BAIAP2L1: variants seen among roughly 807,000 people sequenced by gnomAD.
BAIAP2L1 encodes BAR/IMD domain containing adaptor protein 2 like 1, also known as BAR/IMD domain-containing adapter protein 2-like 1.
Under a neutral mutation model 66.3 loss-of-function variants are expected in BAIAP2L1, and 35 were observed. That is an observed-to-expected ratio of 0.53 (90% confidence interval 0.40 to 0.70). The LOEUF (loss-of-function observed/expected upper bound fraction) is 0.70, where lower values mean the gene tolerates loss of function less well. BAIAP2L1 is among the 30% of genes least tolerant of loss of function. The probability of loss-of-function intolerance (pLI) is 0.00; values close to 1 mark genes in which losing one functional copy is unlikely to be tolerated. For missense variants in BAIAP2L1, 622 were observed against 656.9 expected (o/e 0.95, Z 0.58); for synonymous variants, 269 against 248.7 (o/e 1.08, Z -0.77).
chr7:98,349,024 C>T (rs1801939284), intron 3 of BAIAP2L1, among the ~76,000 whole-genome samples: 2 of 152,358 alleles, frequency 1.3e-5, no homozygotes, highest in African/African-American at 2.4e-5. Context: ...GCAACCCAGG[C>T]AGCACCCATG....
chr7:98,293,218 G>GA lies in BAIAP2L1; in HGVS notation c.*302dup. Reference sequence around the variant, plus strand: ...ATCCCTTATTCTGGCTGTTATTAAGGAAAAAATTCATTTAAAAAATACAGT... The same window carrying GA: ...ATCCCTTATTCTGGCTGTTATTAAGGAAAAAAATTCATTTAAAAAATACAGT... On this transcript the variant is annotated 3_prime_UTR_variant, in exon 14 of 14. Coordinates refer to ENST00000005260, the MANE Select transcript of BAIAP2L1 (RefSeq NM_018842.5). 1 of 320,018 alleles carries GA rather than the reference G, an allele frequency of 3.1e-6. No homozygotes were observed. The highest frequency in any genetic ancestry group is 5.7e-6 in the Non-Finnish European group (1 of 176,072). The allele number at this position is 320,018 out of a possible 1,614,324, so 19.8% of individuals were successfully genotyped here.
At position 98,386,095 on chromosome 7, in the gene BAIAP2L1, C is replaced by T. The variant is rs185347477; in HGVS notation, c.51+14707G>A. ...GGTCATGATTTCGATCATCTTCTTCCGGATTTGGCGGACCTGTTGGTGCTG... is the reference window on the plus strand; with the variant it reads ...GGTCATGATTTCGATCATCTTCTTCTGGATTTGGCGGACCTGTTGGTGCTG... On this transcript the variant is annotated intron_variant, in intron 1 of 13. Coordinates refer to ENST00000005260, the MANE Select transcript of BAIAP2L1 (RefSeq NM_018842.5). The T allele has an allele frequency of 1.1e-4, 180 of 1,582,924 alleles. 1 individual carries two copies. The Admixed American group carries it at 2.5e-3, about 22-fold the overall frequency.
chr7:98,326,617 G>C (rs1462574336), intron 3 of BAIAP2L1, among the ~76,000 whole-genome samples: 2 of 152,188 alleles, frequency 1.3e-5, no homozygotes, highest in Non-Finnish European at 2.9e-5. Context: ...CTAGGAATCT[G>C]CGAGTCCACA....
At position 98,293,923 on chromosome 7, in the gene BAIAP2L1, G is replaced by T. The variant is rs1017786477; in HGVS notation, c.1460+151C>A. ...AGCGTGGTCTAAAGTAGTTGGTAAA[G>T]CGAGCAGGGGGCTGCACTCCCCCAT... On this transcript the variant is annotated intron_variant, in intron 13 of 13. Transcript: ENST00000005260. 6.6e-6 allele frequency: 6 copies of T among 908,514 alleles called. No homozygotes were observed. The African/African-American group carries it at 1.0e-4, about 15-fold the overall frequency. 56.3% of individuals were successfully genotyped at this position (908,514 alleles called of 1,614,324 possible). A position where few individuals can be genotyped will look rare whatever the true frequency, so the allele number is the denominator to read the frequency against.
At chr7:98,362,233 A>G (rs1216145510) in intron 2 of BAIAP2L1, 124 bp downstream of exon 2, 1 of 717,078 alleles carries the variant, frequency 1.4e-6, no homozygotes, top group African/African-American at 1.8e-5. Context: ...TCTGTAGATT[A>G]AATTCATTGT....
chr7:98,396,230 C>T (rs1803205827), intron 1 of BAIAP2L1, among the ~76,000 whole-genome samples: 1 of 151,972 alleles, frequency 6.6e-6, no homozygotes, highest in African/African-American at 2.4e-5. Flanking sequence ...CCACCACACC[C>T]GGCTAATTTT....
intron 3 of BAIAP2L1, among the ~76,000 whole-genome samples, chr7:98,350,555 A>AG (rs1801978006): frequency 6.6e-6 from 1 of 152,152 alleles, no homozygotes; most frequent in South Asian, 2.1e-4. Flanking sequence ...GCTACTCAGG[A>AG]GGCTGAGGCA....
At chr7:98,307,429 A>T in intron 10 of BAIAP2L1, 1 of 1,325,324 alleles carries the variant, frequency 7.5e-7, no homozygotes. Flanking sequence ...TTTTAAAAAC[A>T]AAAGAATGTT....
chr7:98,299,147 C>T (rs1034872691), intron 12 of BAIAP2L1, among the ~76,000 whole-genome samples: 3 of 152,110 alleles, frequency 2.0e-5, no homozygotes, highest in Admixed American at 2.0e-4. Context: ...TCCCGAGTAG[C>T]TGGGATTACA....
intron 1 of BAIAP2L1, 72 bp downstream of exon 1, chr7:98,400,730 C>T (rs1031388916): frequency 2.3e-4 from 348 of 1,504,926 alleles, no homozygotes; most frequent in Non-Finnish European, 2.9e-4. Context: ...AAGTACCTTC[C>T]CGCGTAAAGT....
At chr7:98,313,199 G>T (rs1800938971) in intron 7 of BAIAP2L1, among the ~76,000 whole-genome samples, 1 of 151,234 alleles carries the variant, frequency 6.6e-6, no homozygotes, top group Non-Finnish European at 1.5e-5. Flanking sequence ...CAGCTGCTTG[G>T]GCCTGCTTCA....
At chr7:98,375,962 G>A (rs950855560) in intron 1 of BAIAP2L1, among the ~76,000 whole-genome samples, 4 of 152,012 alleles carry the variant, frequency 2.6e-5, no homozygotes, top group African/African-American at 7.2e-5. Flanking sequence ...TCACACACAC[G>A]TATATATTTA....
At chr7:98,302,464 ACACGTGC>A (rs1335630354) in intron 12 of BAIAP2L1, among the ~76,000 whole-genome samples, 1 of 152,228 alleles carries the variant, frequency 6.6e-6, no homozygotes, top group Non-Finnish European at 1.5e-5. Flanking sequence ...ATGGACGTCC[ACACGTGC>A]CTCCTCACTG....
intron 1 of BAIAP2L1, among the ~76,000 whole-genome samples, chr7:98,374,676 T>C (rs1243221044): frequency 1.3e-5 from 2 of 152,168 alleles, no homozygotes; most frequent in Non-Finnish European, 2.9e-5. Flanking sequence ...CTCCTGATTT[T>C]TGGTGAATAT....
At chr7:98,381,800 C>T (rs1802764960) in intron 1 of BAIAP2L1, among the ~76,000 whole-genome samples, 1 of 152,066 alleles carries the variant, frequency 6.6e-6, no homozygotes, top group Non-Finnish European at 1.5e-5. Flanking sequence ...AAAAATGGCC[C>T]CAATACACTG....
intron 9 of BAIAP2L1, 122 bp from the exon 10 acceptor site, chr7:98,308,018 A>T (rs1800726610): frequency 1.1e-6 from 1 of 938,882 alleles, no homozygotes; most frequent in Non-Finnish European, 1.7e-6. Flanking sequence ...CTTCCACGGA[A>T]ACTGACCCTG....
intron 3 of BAIAP2L1, among the ~76,000 whole-genome samples, chr7:98,324,640 G>T (rs905633478): frequency 3.3e-5 from 5 of 152,012 alleles, no homozygotes; most frequent in African/African-American, 9.7e-5. Flanking sequence ...TTGAGGCCAG[G>T]AGTTCAAGAC....
chr7:98,317,632 C>G (rs953681301), intron 5 of BAIAP2L1, among the ~76,000 whole-genome samples: 3 of 151,338 alleles, frequency 2.0e-5, no homozygotes, highest in Non-Finnish European at 4.4e-5. Context: ...GGACCCTCAC[C>G]CTGCAGTTCA....
intron 1 of BAIAP2L1, among the ~76,000 whole-genome samples, chr7:98,373,426 T>A (rs1802556323): frequency 6.6e-6 from 1 of 152,192 alleles, no homozygotes; most frequent in Non-Finnish European, 1.5e-5. Context: ...CTATCTTGCA[T>A]TATGTATTAG....
Sources: gnomAD v4.1 joint callset for allele counts (sites outside exome capture counted in the v4.1 genomes callset) on GRCh38, gnomAD v4.1.1 for gene constraint, MANE v1.5 for transcripts, NCBI Gene and HGNC (gene_info 2026-07-23, HGNC 2026-07-21) for gene names.